The following EHD3 variants were observed in gnomAD, a reference collection of about 807,000 sequenced individuals.
EHD3 encodes the protein EH domain-containing protein 3.
Under a neutral mutation model 43.0 loss-of-function variants are expected in EHD3, and 17 were observed. That is an observed-to-expected ratio of 0.40 (90% CI 0.27 to 0.59). EHD3 has a LOEUF of 0.59. EHD3 is among the 20% of genes least tolerant of loss of function. The pLI, the probability that EHD3 is intolerant of heterozygous loss-of-function variation, is 0.49. For missense variants in EHD3, 594 were observed against 705.6 expected, an observed-to-expected ratio of 0.84 and a Z score of 1.79; for synonymous variants, 313 against 289.5, an observed-to-expected ratio of 1.08 and a Z score of -0.82.
intron 3 of EHD3, 143 bp downstream of exon 3, chr2:31,249,611 T>C: frequency 1.4e-6 from 1 of 735,118 alleles, no homozygotes; most frequent in Non-Finnish European, 2.2e-6. Flanking sequence ...GGGATCATTT[T>C]ACCTGGGGCA....
intron 1 of EHD3, among the ~76,000 whole-genome samples, chr2:31,241,766 C>T (rs1683429035): frequency 6.6e-6 from 1 of 152,178 alleles, no homozygotes; most frequent in Non-Finnish European, 1.5e-5. Flanking sequence ...GGTTGGCTGG[C>T]CCCAGGCCAC....
At position 31,266,319 on chromosome 2, in the gene EHD3, T is replaced by A. The variant is rs781500690; in HGVS notation, c.1223T>A (p.Met408Lys). Residue 408 changes from methionine (M) to lysine (K), a missense_variant, in exon 6 of 6, where the codon ATG (methionine) becomes AAG (lysine). Around this residue, in one of 3 missense-constraint regions of EHD3, gnomAD observed 322 missense variants for 348.0 expected, o/e 0.93. Transcript: ENST00000322054. The surrounding 1 kb of genome is among the most constrained non-coding windows in gnomAD (Gnocchi z 5.1). ...GAGGAGTCACAGCGGCCCATCCAGATGGTGAAGGGCGGAGCGTTCGAGGGC... is the reference window on the plus strand; with the variant it reads ...GAGGAGTCACAGCGGCCCATCCAGAAGGTGAAGGGCGGAGCGTTCGAGGGC... Reference protein sequence around the residue: ...RQEESQRPIQMVKGGAFEGTL... With the variant: ...RQEESQRPIQKVKGGAFEGTL... 1.9e-6 allele frequency: 3 copies of A among 1,614,150 alleles called. No individual in the cohort carries two copies. The highest frequency in any genetic ancestry group is 1.1e-5 in the South Asian group (1 of 91,090).
At chr2:31,249,019 C>T (rs1489940495) in intron 2 of EHD3, among the ~76,000 whole-genome samples, 2 of 152,174 alleles carry the variant, frequency 1.3e-5, no homozygotes, top group Admixed American at 6.5e-5. Context: ...AGGTAGCTGA[C>T]CAAGGACAAA....
chr2:31,257,895 T>G (rs1014469928), intron 3 of EHD3, among the ~76,000 whole-genome samples: 25 of 152,254 alleles, frequency 1.6e-4, no homozygotes, highest in Non-Finnish European at 3.5e-4. Flanking sequence ...AGGCCCTCGA[T>G]GACGCACCCA....
chr2:31,245,922 C>G (rs1279339366), intron 2 of EHD3, among the ~76,000 whole-genome samples: 3 of 151,898 alleles, frequency 2.0e-5, no homozygotes, highest in Non-Finnish European at 4.4e-5. Flanking sequence ...TGTCTCTGAC[C>G]TTTCTTGTAG....
chr2:31,238,547 G>A (rs1317785906), intron 1 of EHD3, among the ~76,000 whole-genome samples: 1 of 152,232 alleles, frequency 6.6e-6, no homozygotes, highest in Non-Finnish European at 1.5e-5. Context: ...AATTGGCTTG[G>A]CGGCTGCCCT....
At chr2:31,244,601 G>C in intron 2 of EHD3, 151 bp downstream of exon 2, 1 of 838,268 alleles carries the variant, frequency 1.2e-6, no homozygotes, top group Non-Finnish European at 1.8e-6. Flanking sequence ...TGCTTGCTGA[G>C]AGTGTAACTG....
chr2:31,255,157 C>T (rs1683725908), intron 3 of EHD3, among the ~76,000 whole-genome samples: 1 of 152,214 alleles, frequency 6.6e-6, no homozygotes, highest in African/African-American at 2.4e-5. Flanking sequence ...CTGACTAGAC[C>T]TCTTAGAGCC....
chr2:31,240,048 A>G (rs1683391059), intron 1 of EHD3, among the ~76,000 whole-genome samples: 1 of 152,124 alleles, frequency 6.6e-6, no homozygotes, highest in Non-Finnish European at 1.5e-5. Context: ...CCTTCATCAC[A>G]TGGCTGAGGG....
Position 31,234,396 on chromosome 2 carries a change from C to T in EHD3, c.-226C>T, listed in dbSNP as rs565431974. On this transcript the variant is annotated 5_prime_UTR_variant, in exon 1 of 6. Coordinates refer to ENST00000322054, the MANE Select transcript of EHD3 (RefSeq NM_014600.3). ...AAGCCCAGATTATTTATCCTCCCTC[C>T]GGCCTGGGCTGCTGGATGCAGCAGC... 3.5e-6 allele frequency: 2 copies of T among 566,928 alleles called. No homozygotes were observed. The highest frequency in any genetic ancestry group is 3.1e-5 in the Admixed American group (1 of 31,826). 35.1% of individuals were successfully genotyped at this position (566,928 alleles called of 1,614,324 possible).
At chr2:31,237,473 C>T (rs558768558) in intron 1 of EHD3, among the ~76,000 whole-genome samples, 3 of 152,092 alleles carry the variant, frequency 2.0e-5, no homozygotes, top group Non-Finnish European at 4.4e-5. Context: ...GGCACAATCT[C>T]GGCTCAGTGC....
rs1264634777 is a variant in EHD3 at position 31,268,837 on chromosome 2, AT to A, written c.*2137del. 1.3e-5 allele frequency: 2 copies of A among 152,136 alleles called. No homozygotes were observed. Among genetic ancestry groups the A allele is most frequent in the Non-Finnish European group, 1.5e-5 (1 of 68,030 alleles). The allele number at this position is 152,136 out of a possible 1,614,324, so 9.4% of individuals were successfully genotyped here. On this transcript the variant is annotated 3_prime_UTR_variant, in exon 6 of 6. Transcript: ENST00000322054. ...AGGTAGGTGAAGTTCCTGTCTTTTT[AT>A]TTTATAGGAAAGGGAGATGTCTGTT...
In EHD3 at chr2:31,234,781, G is replaced by A; in HGVS notation, c.160G>A (p.Asp54Asn). The A allele has an allele frequency of 6.2e-7, 1 of 1,614,170 alleles. No homozygotes were observed. Among genetic ancestry groups the A allele is most frequent in the Non-Finnish European group, 8.5e-7 (1 of 1,180,022 alleles). The stretch of plus-strand genomic sequence containing the variant: ...CCACTCGCCCGCCCTGGAGGATGCC[G>A]ACTTCGACAACAAGCCCATGGTTCT... ...EFHSPALEDA[D>N]FDNKPMVLLV... The change falls in exon 1 of 6, where the codon GAC becomes AAC. Residue 54 changes from aspartate to asparagine, a missense_variant. Transcript: ENST00000322054.
chr2:31,234,681 G>A lies in EHD3; in HGVS notation c.60G>A (p.Thr20=), dbSNP rs374598778. ...RRRKDPEVFQ[T]VSEGLKKLYK... is the part of the protein sequence containing the mutation. ...GGAAGGACCCCGAGGTTTTCCAGAC[G>A]GTGAGTGAGGGGCTCAAGAAACTCT... The change falls in exon 1 of 6, where the codon ACG becomes ACA. Residue 20 remains threonine (T), a synonymous_variant. Coordinates refer to ENST00000322054, the MANE Select transcript of EHD3 (RefSeq NM_014600.3). 1.2e-6 allele frequency: 2 copies of A among 1,614,214 alleles called. No individual in the cohort carries two copies. Among genetic ancestry groups the A allele is most frequent in the Non-Finnish European group, 1.7e-6 (2 of 1,180,032 alleles).
chr2:31,254,076 G>A (rs761451137), intron 3 of EHD3, among the ~76,000 whole-genome samples: 1 of 152,132 alleles, frequency 6.6e-6, no homozygotes, highest in Non-Finnish European at 1.5e-5. Flanking sequence ...CTCCCCACAG[G>A]CCCCTTTCTG....
intron 5 of EHD3, among the ~76,000 whole-genome samples, chr2:31,263,749 G>T (rs186784869): frequency 5.8e-4 from 88 of 152,296 alleles, no homozygotes; most frequent in African/African-American, 2.0e-3. Context: ...GCATTTTTCT[G>T]CAGCAGACTA....
intron 2 of EHD3, 22 bp from the exon 3 acceptor site, chr2:31,249,349 C>T: frequency 6.2e-7 from 1 of 1,611,660 alleles, no homozygotes; most frequent in Admixed American, 1.7e-5. Flanking sequence ...AGTACTCACC[C>T]AGGTTACCTC....
chr2:31,256,428 G>A (rs1376847904), intron 3 of EHD3, among the ~76,000 whole-genome samples: 2 of 152,182 alleles, frequency 1.3e-5, no homozygotes, highest in Non-Finnish European at 2.9e-5. Context: ...AGGTTTCCAC[G>A]TTTTCCACGT....
At position 31,234,240 on chromosome 2, in the gene EHD3, A is replaced by G. The variant is rs1012586137; in HGVS notation, c.-382A>G. ...GGTCCGGCAGGAGCGGAGCCGAAGC[A>G]TCCCTTGCTGCACGCAGGGCAGAGC... On this transcript the variant is annotated 5_prime_UTR_variant, in exon 1 of 6. Transcript: ENST00000322054. The G allele has an allele frequency of 2.5e-5, 7 of 274,634 alleles. No individual in the cohort carries two copies. The highest frequency in any genetic ancestry group is 1.7e-4 in the African/African-American group (7 of 42,404). 17.0% of individuals were successfully genotyped at this position (274,634 alleles called of 1,614,324 possible).
Sources: gnomAD v4.1 joint callset for allele counts (sites outside exome capture counted in the v4.1 genomes callset) on GRCh38, gnomAD v4.1.1 for gene constraint, gnomAD v4.1.1 regional missense constraint, Gnocchi (gnomAD v3.1) non-coding constraint, MANE v1.5 for transcripts, NCBI Gene and HGNC (gene_info 2026-07-23, HGNC 2026-07-21) for gene names.